Variants in TTC21B observed in about 807,000 individuals in gnomAD.
TTC21B encodes the protein tetratricopeptide repeat protein 21B.
Under a neutral mutation model 175.1 loss-of-function variants are expected in TTC21B, and 127 were observed. The observed-to-expected ratio is 0.73, with a 90% confidence interval of 0.63 to 0.84. TTC21B has a LOEUF of 0.84. Ranked by LOEUF, TTC21B falls within the 40% of genes least tolerant of loss-of-function variation. The pLI is 0.00. For missense variants in TTC21B, 1,561 were observed against 1,558.3 expected (o/e 1.00, Z -0.03); for synonymous variants, 524 against 524.5 (o/e 1.00, Z 0.01).
intron 22 of TTC21B, among the ~76,000 whole-genome samples, chr2:165,895,813 G>C (rs1685343807): frequency 6.6e-6 from 1 of 152,172 alleles, no homozygotes; most frequent in Non-Finnish European, 1.5e-5. Flanking sequence ...CTCTGGAATA[G>C]ACAGGGCAAA....
In TTC21B at chr2:165,884,081, G is replaced by A; in HGVS notation, c.3460-63C>T. On this transcript the variant is annotated intron_variant, in intron 25 of 28. Coordinates refer to ENST00000243344, the MANE Select transcript of TTC21B (RefSeq NM_024753.5). ...AACATAAATGCCCCAAAAACATACA[G>A]AAAGCAGAAAATGCTACATAAGAAC... 4 of 1,314,684 alleles carry A rather than the reference G, an allele frequency of 3.0e-6. 1 individual carries two copies. In the South Asian group the frequency reaches 4.8e-5, roughly 16 times the overall value. 81.4% of individuals were successfully genotyped at this position (1,314,684 alleles called of 1,614,324 possible).
At chr2:165,875,514 T>C (rs1684639867) in intron 28 of TTC21B, among the ~76,000 whole-genome samples, 1 of 152,148 alleles carries the variant, frequency 6.6e-6, no homozygotes, top group African/African-American at 2.4e-5. Flanking sequence ...ATATGGAATA[T>C]CAATGGGACA....
chr2:165,941,468 C>T (rs1687365078), intron 5 of TTC21B, among the ~76,000 whole-genome samples: 1 of 92,432 alleles, frequency 1.1e-5, no homozygotes, highest in South Asian at 3.8e-4. Flanking sequence ...AATAATGTTT[C>T]CATTTAAAAC....
chr2:165,915,384 T>A lies in TTC21B; in HGVS notation c.1955A>T (p.Glu652Val). 1 of 1,614,118 alleles carries A rather than the reference T, an allele frequency of 6.2e-7. No individual in the cohort carries two copies. Among genetic ancestry groups the A allele is most frequent in the Non-Finnish European group, 8.5e-7 (1 of 1,179,974 alleles). ...ATTAGCAATGGTAACCCGCACTTCT[T>A]CAGATGTTCCAGAAAATTCATGGAT... ...DAIHEFSGTS[E>V]EVRVTIANAD... The change falls in exon 15 of 29, where the codon GAA becomes GTA. Residue 652 changes from glutamate to valine, a missense_variant. Physicochemically the swap from Glu to Val is moderately radical, Grantham distance 121. Coordinates refer to ENST00000243344, the MANE Select transcript of TTC21B (RefSeq NM_024753.5).
chr2:165,881,729 A>G (rs1241395819), intron 26 of TTC21B, among the ~76,000 whole-genome samples: 1 of 152,146 alleles, frequency 6.6e-6, no homozygotes, highest in Non-Finnish European at 1.5e-5. Context: ...ACTGAGGCAT[A>G]AAAACATGGA....
intron 5 of TTC21B, 25 bp downstream of exon 5, chr2:165,943,194 T>C (rs1453032557): frequency 1.2e-6 from 2 of 1,612,094 alleles, no homozygotes; most frequent in East Asian, 2.2e-5. Flanking sequence ...TGAAACATGA[T>C]TTATTTACCC....
At chr2:165,944,560 T>G (rs1298833038) in intron 4 of TTC21B, among the ~76,000 whole-genome samples, 1 of 152,156 alleles carries the variant, frequency 6.6e-6, no homozygotes, top group Admixed American at 6.5e-5. Flanking sequence ...CTCAAGCCAC[T>G]TCATCCAAGA....
chr2:165,899,688 A>G, intron 21 of TTC21B, 82 bp downstream of exon 21: 1 of 865,062 alleles, frequency 1.2e-6, no homozygotes, highest in Non-Finnish European at 2.0e-6. Context: ...ATGCCTCATC[A>G]TCTAGTAGTA....
rs1684603903 is a variant in TTC21B at position 165,874,497 on chromosome 2, TTA to T, written c.*256_*257del. On this transcript the variant is annotated 3_prime_UTR_variant, in exon 29 of 29. Coordinates refer to ENST00000243344, the MANE Select transcript of TTC21B (RefSeq NM_024753.5). ...AACAAAATATTCTTTATAGAAATAA[TTA>T]TAGTCTTTACCACAGAGTCACCAAA... 2.8e-6 allele frequency: 1 copy of T among 352,924 alleles called. No individual in the cohort carries two copies. Among genetic ancestry groups the T allele is most frequent in the African/African-American group, 2.1e-5 (1 of 48,556 alleles). The allele number at this position is 352,924 out of a possible 1,614,324, so 21.9% of individuals were successfully genotyped here.
intron 22 of TTC21B, among the ~76,000 whole-genome samples, chr2:165,897,654 C>A (rs1486749829): frequency 6.6e-6 from 1 of 152,104 alleles, no homozygotes; most frequent in Admixed American, 6.5e-5. Flanking sequence ...TCTGCACATA[C>A]ATGGGATATA....
chr2:165,946,196 G>A (rs976224092), intron 3 of TTC21B, among the ~76,000 whole-genome samples: 4 of 151,704 alleles, frequency 2.6e-5, no homozygotes, highest in Admixed American at 6.6e-5. Flanking sequence ...AAAATTAGCC[G>A]GGCGTGATAG....
In TTC21B at chr2:165,950,987, CT is replaced by C. The variant is rs563783185; in HGVS notation, c.22-1264del. Among the ~76,000 whole-genome samples the C allele has an allele frequency of 1.4e-4, 22 of 152,300 alleles. 1 individual carries two copies. The South Asian group carries it at 4.6e-3, about 32-fold the overall frequency. On this transcript the variant is annotated intron_variant, in intron 1 of 28. Transcript: ENST00000243344. ...TCTCTAGATCAGTTAGGCGACTGTT[CT>C]CTGTAATTTTACTCTGCCTCCCTCC...
intron 11 of TTC21B, 21 bp downstream of exon 11, chr2:165,929,114 G>GT (rs1198317574): frequency 6.2e-7 from 1 of 1,606,794 alleles, no homozygotes; most frequent in South Asian, 1.1e-5. Context: ...ATCCTTGAAA[G>GT]TAAGTCCCAT....
At chr2:165,921,107 C>T (rs1167820034) in intron 12 of TTC21B, among the ~76,000 whole-genome samples, 1 of 151,990 alleles carries the variant, frequency 6.6e-6, no homozygotes, top group Non-Finnish European at 1.5e-5. Flanking sequence ...CATGGTGTGC[C>T]CCTGGATAGT....
chr2:165,951,459 T>A (rs1053186578), intron 1 of TTC21B, among the ~76,000 whole-genome samples: 3 of 152,098 alleles, frequency 2.0e-5, no homozygotes, highest in East Asian at 1.9e-4. Flanking sequence ...AAAAAAAAAA[T>A]GTGTCCTGCG....
chr2:165,875,925 T>C (rs1259597448), intron 28 of TTC21B, among the ~76,000 whole-genome samples: 1 of 152,090 alleles, frequency 6.6e-6, no homozygotes, highest in Non-Finnish European at 1.5e-5. Flanking sequence ...TCTTCAGTGG[T>C]CTTTGTCTTT....
intron 17 of TTC21B, among the ~76,000 whole-genome samples, chr2:165,911,990 T>C (rs999099275): frequency 6.6e-6 from 1 of 152,076 alleles, no homozygotes; most frequent in Non-Finnish European, 1.5e-5. Context: ...TTATGATAAG[T>C]AGATAAAGAA....
chr2:165,919,112 T>C lies in TTC21B; in HGVS notation c.1674+164A>G, dbSNP rs1238428173. Among the ~76,000 whole-genome samples, 3 of 152,156 alleles carry C rather than the reference T, an allele frequency of 2.0e-5. No homozygotes were observed. The East Asian group carries it at 5.8e-4, about 29-fold the overall frequency. Reference sequence around the variant, plus strand: ...GTCCACATAGTTTTTTACCCATACCTGAATTGCCTCAATTTTTCCTCCTAC... The same window carrying C: ...GTCCACATAGTTTTTTACCCATACCCGAATTGCCTCAATTTTTCCTCCTAC... On this transcript the variant is annotated intron_variant, in intron 13 of 28. Transcript: ENST00000243344.
intron 14 of TTC21B, 72 bp from the exon 15 acceptor site, chr2:165,915,511 T>A (rs1686135941): frequency 5.2e-6 from 6 of 1,162,212 alleles, no homozygotes; most frequent in Non-Finnish European, 7.8e-6. Context: ...GGAGATTTTC[T>A]CATAACGCAG....
Sources: gnomAD v4.1 joint callset for allele counts (sites outside exome capture counted in the v4.1 genomes callset) on GRCh38, gnomAD v4.1.1 for gene constraint, MANE v1.5 for transcripts, NCBI Gene and HGNC (gene_info 2026-07-23, HGNC 2026-07-21) for gene names.